Variants in TMSB4X observed in about 807,000 individuals in gnomAD.
TMSB4X encodes thymosin beta-4.
A neutral mutation model predicts 3.6 loss-of-function variants in TMSB4X; 1 was observed. The observed-to-expected ratio is 0.28, with a 90% CI of 0.10 to 1.32. The LOEUF is 1.32. Ranked by LOEUF, TMSB4X falls within the 40% of genes most tolerant of loss-of-function variation. The pLI, the probability that TMSB4X is intolerant of heterozygous loss-of-function variation, is 0.45. For synonymous variants in TMSB4X, 12 were observed against 14.3 expected, an observed-to-expected ratio of 0.84 and a Z score of 0.36; for missense variants, 6 against 32.7, an observed-to-expected ratio of 0.18 and a Z score of 1.99.
At chrX:12,976,141 G>GT (rs2043294951) in intron 1 of TMSB4X, 105 bp from the exon 2 acceptor site, 3 of 582,240 alleles carry the variant, frequency 5.2e-6, no homozygotes, top group Non-Finnish European at 8.6e-6. Context: ...AGCGAGAAGG[G>GT]TTTTTTTCAG....
chrX:12,976,181 C>T (rs1438785892), intron 1 of TMSB4X, 65 bp from the exon 2 acceptor site: 12 of 871,477 alleles, frequency 1.4e-5, no homozygotes, highest in Non-Finnish European at 2.0e-5. Flanking sequence ...AAGTGCAGTT[C>T]CCAGCCCAGA....
chrX:12,976,942 C>A lies in TMSB4X; in HGVS notation c.*131C>A. 3.9e-6 allele frequency: 3 copies of A among 768,783 alleles called. No individual in the cohort carries two copies. Among genetic ancestry groups the A allele is most frequent in the South Asian group, 2.5e-5 (1 of 40,276 alleles). The allele number at this position is 768,783 out of a possible 1,213,427, so 63.4% of individuals were successfully genotyped here. ...GTTTAAATGACTGTGCTGCCCCTTT[C>A]ACATCAAAGAACTACTGACAACGAA... On this transcript the variant is annotated 3_prime_UTR_variant, in exon 3 of 3. Transcript: ENST00000451311.
In TMSB4X at chrX:12,977,151, T is replaced by C. The variant is rs1265741977; in HGVS notation, c.*340T>C. 8 of 199,430 alleles carry C rather than the reference T, an allele frequency of 4.0e-5. No homozygotes were observed. Among genetic ancestry groups the C allele is most frequent in the Non-Finnish European group, 6.8e-5 (7 of 103,577 alleles). The allele number at this position is 199,430 out of a possible 1,213,427, so 16.4% of individuals were successfully genotyped here. A position where few individuals can be genotyped will look rare whatever the true frequency, so the allele number is the denominator to read the frequency against. On this transcript the variant is annotated 3_prime_UTR_variant, in exon 3 of 3. Transcript: ENST00000451311. The stretch of plus-strand genomic sequence containing the variant: ...AATGCAGTTTAATCAGAGTGCCATT[T>C]TTTTTTTTGTTCAAATGATTTTAAT...
intron 2 of TMSB4X, 29 bp from the exon 3 acceptor site, chrX:12,976,748 C>CT (rs138495959): frequency 0.14 from 138,267 of 972,707 alleles, 1,883 homozygotes; most frequent in African/African-American, 0.17. Context: ...CTCCCTCCAT[C>CT]TTTTTTTTTT....
At position 12,976,836 on chromosome X, in the gene TMSB4X, C is replaced by T; in HGVS notation, c.*25C>T. ...ATGAGGCGTGCGCCGCCAATATGCA[C>T]TGTACATTCCACAAGCATTGCCTTC... On this transcript the variant is annotated 3_prime_UTR_variant, in exon 3 of 3. Transcript: ENST00000451311. The T allele has an allele frequency of 8.5e-7, 1 of 1,176,473 alleles. No homozygotes were observed. The highest frequency in any genetic ancestry group is 1.1e-6 in the Non-Finnish European group (1 of 872,845).
chrX:12,976,077 C>T, intron 1 of TMSB4X, 169 bp from the exon 2 acceptor site: 1 of 414,116 alleles, frequency 2.4e-6, no homozygotes, highest in South Asian at 4.1e-5. Flanking sequence ...GGGGTGTCGC[C>T]TCTTTTTCTG....
At chrX:12,975,460 T>A (rs2147274457) in intron 1 of TMSB4X, 1 of 113,188 alleles carries the variant, frequency 8.8e-6, no homozygotes, top group African/African-American at 3.2e-5. Context: ...TGCGTTGCCT[T>A]GGAGGCTGAG....
At chrX:12,976,205 G>C (rs1602476573) in intron 1 of TMSB4X, 41 bp from the exon 2 acceptor site, 1 of 1,038,258 alleles carries the variant, frequency 9.6e-7, no homozygotes, top group East Asian at 3.1e-5. Context: ...AGCGGGGCGG[G>C]TGGCTCTTCC....
At chrX:12,975,313 A>C (rs2043288873) in intron 1 of TMSB4X, 145 bp downstream of exon 1, 1 of 112,738 alleles carries the variant, frequency 8.9e-6, no homozygotes, top group Non-Finnish European at 1.9e-5. Flanking sequence ...AGCTGGGGGG[A>C]TGCGAAACAC....
chrX:12,976,597 T>C (rs1436077527), intron 2 of TMSB4X, among the ~76,000 whole-genome samples, 180 bp from the exon 3 acceptor site: 2 of 112,393 alleles, frequency 1.8e-5, no homozygotes, highest in Non-Finnish European at 3.8e-5. Flanking sequence ...TATACAAACA[T>C]TTATCCATTA....
Position 12,976,565 on chromosome X carries a change from A to G in TMSB4X, c.100+204A>G, listed in dbSNP as rs374216951. On this transcript the variant is annotated intron_variant, in intron 2 of 2. Transcript: ENST00000451311. ...CGGGGCTTTAGTAATTTAGTAATGG[A>G]ATATTTAATATGCCATATTAATATA... 5.4e-5 allele frequency among the ~76,000 whole-genome samples: 6 copies of G among 111,778 alleles called. No individual in the cohort carries two copies. The East Asian group carries it at 1.4e-3, about 26-fold the overall frequency.
intron 1 of TMSB4X, chrX:12,975,764 C>A (rs2043292419): frequency 1.8e-5 from 2 of 113,762 alleles, no homozygotes; most frequent in Admixed American, 9.2e-5. Context: ...CAGCCGCGGC[C>A]GCCGCCTTTG....
chrX:12,976,538 C>T (rs770108331), intron 2 of TMSB4X, among the ~76,000 whole-genome samples, 177 bp downstream of exon 2: 216 of 111,530 alleles, frequency 1.9e-3, no homozygotes, highest in Non-Finnish European at 3.2e-3. Context: ...AGCCAACAAA[C>T]ACGGGGCTTT....
chrX:12,975,252 A>T (rs2147274312), intron 1 of TMSB4X, 84 bp downstream of exon 1: 1 of 113,441 alleles, frequency 8.8e-6, no homozygotes, highest in Admixed American at 9.4e-5. Flanking sequence ...CTGTGAAGGC[A>T]TTCCCTAAAT....
intron 1 of TMSB4X, chrX:12,976,008 G>C (rs1194802580): frequency 9.3e-6 from 3 of 321,222 alleles, no homozygotes; most frequent in Non-Finnish European, 1.1e-5. Context: ...ATTCGGCTTT[G>C]AGAGGCATCC....
Position 12,975,128 on chromosome X carries a change from G to A in TMSB4X, c.-57G>A, listed in dbSNP as rs756378078. ...GCCCGACAACTCGGTGGTGGCCACT[G>A]CGCAGACCAGACTTCGCTCGTACTC... is the stretch of plus-strand genomic sequence containing the variant. On this transcript the variant is annotated 5_prime_UTR_variant, in exon 1 of 3. Transcript: ENST00000451311. The A allele has an allele frequency of 3.9e-3, 457 of 116,944 alleles. 3 individuals are homozygous for A. The highest frequency in any genetic ancestry group is 7.3e-3 in the South Asian group (20 of 2,750). The allele number at this position is 116,944 out of a possible 1,213,427, so 9.6% of individuals were successfully genotyped here.
At chrX:12,976,010 G>A (rs2043294014) in intron 1 of TMSB4X, 2 of 322,098 alleles carry the variant, frequency 6.2e-6, no homozygotes, top group Non-Finnish European at 1.1e-5. Flanking sequence ...TCGGCTTTGA[G>A]AGGCATCCGC....
chrX:12,976,911 G>A lies in TMSB4X; in HGVS notation c.*100G>A, dbSNP rs1312931581. 1.0e-6 allele frequency: 1 copy of A among 979,460 alleles called. No individual in the cohort carries two copies. The highest frequency in any genetic ancestry group is 3.1e-5 in the East Asian group (1 of 32,600). 80.7% of individuals were successfully genotyped at this position (979,460 alleles called of 1,213,427 possible). Reference sequence around the variant, plus strand: ...AACTTTGTAAGATGCAAAGAGGTTGGATCAAGTTTAAATGACTGTGCTGCC... The same window carrying A: ...AACTTTGTAAGATGCAAAGAGGTTGAATCAAGTTTAAATGACTGTGCTGCC... On this transcript the variant is annotated 3_prime_UTR_variant, in exon 3 of 3. Transcript: ENST00000451311.
At chrX:12,976,202 C>G (rs906845740) in intron 1 of TMSB4X, 44 bp from the exon 2 acceptor site, 114 of 996,786 alleles carry the variant, frequency 1.1e-4, no homozygotes, top group Non-Finnish European at 1.6e-4. Flanking sequence ...GACAGCGGGG[C>G]GGGTGGCTCT....
Sources: gnomAD v4.1 joint callset for allele counts (sites outside exome capture counted in the v4.1 genomes callset) on GRCh38, gnomAD v4.1.1 for gene constraint, MANE v1.5 for transcripts, NCBI Gene and HGNC (gene_info 2026-07-23, HGNC 2026-07-21) for gene names.